The following GLIS3 variants were observed in gnomAD, a reference collection of about 807,000 sequenced individuals.
GLIS3 encodes zinc finger protein GLIS3.
Under a neutral mutation model 78.6 loss-of-function variants are expected in GLIS3, and 53 were observed. The observed-to-expected ratio is 0.67, with a 90% CI of 0.54 to 0.85. The LOEUF is 0.85. Ranked by LOEUF, GLIS3 falls within the 40% of genes least tolerant of loss-of-function variation. GLIS3 has a pLI of 0.00. For synonymous variants in GLIS3, 684 were observed against 509.9 expected (o/e 1.34, Z -4.60); for missense variants, 1,703 against 1,231.1 (o/e 1.38, Z -5.74).
At chr9:4,467,604 G>C in the GLIS3 span, among the ~76,000 whole-genome samples, 1 of 152,256 alleles carries the variant, frequency 6.6e-6, no homozygotes, top group Admixed American at 6.5e-5. Flanking sequence ...AAACAGAAAG[G>C]ACATCCACAC....
chr9:4,259,798 C>T (rs577937570), intron 2 of GLIS3, among the ~76,000 whole-genome samples: 2 of 152,310 alleles, frequency 1.3e-5, no homozygotes, highest in African/African-American at 4.8e-5. Context: ...CAATTGCTGG[C>T]TTTTGAGCCT....
At chr9:4,408,151 C>G in the GLIS3 span, among the ~76,000 whole-genome samples, 3 of 152,088 alleles carry the variant, frequency 2.0e-5, no homozygotes, top group Non-Finnish European at 2.9e-5. Context: ...AGGGAACCCT[C>G]GTACGCTGTC....
chr9:4,471,222 C>T, the GLIS3 span, among the ~76,000 whole-genome samples: 3 of 152,170 alleles, frequency 2.0e-5, no homozygotes, highest in Admixed American at 2.0e-4. Context: ...ATCAAGCTAC[C>T]AATGACTTTC....
At chr9:4,245,083 T>C (rs1823676522) in intron 2 of GLIS3, among the ~76,000 whole-genome samples, 1 of 152,210 alleles carries the variant, frequency 6.6e-6, no homozygotes, top group Non-Finnish European at 1.5e-5. Context: ...CACATCTAGA[T>C]GCTCTAAGTT....
At chr9:4,007,781 C>T (rs1053515726) in intron 4 of GLIS3, among the ~76,000 whole-genome samples, 1 of 151,144 alleles carries the variant, frequency 6.6e-6, no homozygotes, top group Non-Finnish European at 1.5e-5. Context: ...TCAAGAAGTA[C>T]ATATGTGCTC....
At chr9:3,918,675 C>A (rs1299855490) in intron 6 of GLIS3, among the ~76,000 whole-genome samples, 2 of 152,274 alleles carry the variant, frequency 1.3e-5, no homozygotes, top group East Asian at 3.9e-4. Flanking sequence ...AGTGTGTAAC[C>A]TAGGGTAAAA....
intron 2 of GLIS3, among the ~76,000 whole-genome samples, chr9:4,133,170 A>C (rs763240704): frequency 2.6e-5 from 4 of 152,174 alleles, no homozygotes; most frequent in Non-Finnish European, 5.9e-5. Context: ...TTACAGTATT[A>C]ATTTTTGAAC....
intron 2 of GLIS3, among the ~76,000 whole-genome samples, chr9:4,180,141 G>T (rs1316758475): frequency 1.3e-5 from 2 of 152,090 alleles, no homozygotes; most frequent in East Asian, 3.9e-4. Flanking sequence ...CAGTGATAGA[G>T]GTCCTAGGAT....
At chr9:3,938,003 A>G (rs1044948986) in intron 4 of GLIS3, among the ~76,000 whole-genome samples, 2 of 152,216 alleles carry the variant, frequency 1.3e-5, no homozygotes, top group African/African-American at 4.8e-5. Flanking sequence ...CATTTACTCA[A>G]TGTCTTCTGA....
chr9:3,908,184 C>T (rs982959391), intron 6 of GLIS3, among the ~76,000 whole-genome samples: 1 of 152,216 alleles, frequency 6.6e-6, no homozygotes, highest in African/African-American at 2.4e-5. Flanking sequence ...CTGACAGCAA[C>T]CTGTAAGTGG....
intron 2 of GLIS3, among the ~76,000 whole-genome samples, chr9:4,250,007 T>A (rs984347827): frequency 2.0e-5 from 3 of 152,328 alleles, no homozygotes; most frequent in East Asian, 1.9e-4. Context: ...GATGTGCTGC[T>A]GGATTCCGTT....
At chr9:4,157,032 C>G (rs181142789) in intron 2 of GLIS3, among the ~76,000 whole-genome samples, 11 of 152,350 alleles carry the variant, frequency 7.2e-5, no homozygotes, top group Admixed American at 6.5e-4. Context: ...TAACATCTGT[C>G]ACAGTCCCTG....
chr9:4,456,247 T>C, the GLIS3 span, among the ~76,000 whole-genome samples: 3 of 152,322 alleles, frequency 2.0e-5, no homozygotes, highest in East Asian at 3.9e-4. Context: ...CCTCAGAAAG[T>C]TGTAAATTTT....
intron 4 of GLIS3, among the ~76,000 whole-genome samples, chr9:4,091,715 G>C (rs141196754): frequency 6.6e-6 from 1 of 152,170 alleles, no homozygotes; most frequent in African/African-American, 2.4e-5. Context: ...AGGAGGATGT[G>C]TTTGCTTTCC....
intron 2 of GLIS3, among the ~76,000 whole-genome samples, chr9:4,265,578 A>G (rs1462855672): frequency 6.6e-6 from 1 of 152,020 alleles, no homozygotes; most frequent in Non-Finnish European, 1.5e-5. Context: ...CTTCCATTCT[A>G]CCTCCTAAAA....
intron 2 of GLIS3, among the ~76,000 whole-genome samples, chr9:4,169,806 T>C (rs868509774): frequency 5.3e-5 from 8 of 152,044 alleles, no homozygotes; most frequent in Non-Finnish European, 1.2e-4. Context: ...GGGTAAAGAG[T>C]ATAGGAGAAT....
intron 2 of GLIS3, among the ~76,000 whole-genome samples, chr9:4,246,776 A>C (rs1207597730): frequency 6.6e-6 from 1 of 152,198 alleles, no homozygotes; most frequent in Non-Finnish European, 1.5e-5. Flanking sequence ...GGAGTTCTTA[A>C]ACGGGTTTTT....
At chr9:4,193,694 C>T (rs899854991) in intron 2 of GLIS3, among the ~76,000 whole-genome samples, 1 of 152,174 alleles carries the variant, frequency 6.6e-6, no homozygotes, top group Non-Finnish European at 1.5e-5. Flanking sequence ...GGTGGTGTCC[C>T]CACCTGAGCT....
intron 2 of GLIS3, among the ~76,000 whole-genome samples, chr9:4,247,842 T>C (rs1436748958): frequency 6.6e-6 from 1 of 152,192 alleles, no homozygotes; most frequent in African/African-American, 2.4e-5. Context: ...TAATTTGCAG[T>C]GATTAAATCA....
Sources: allele counts gnomAD v4.1 joint callset (sites outside exome capture counted in the v4.1 genomes callset), GRCh38; gene constraint gnomAD v4.1.1; transcripts MANE v1.5; gene names NCBI Gene and HGNC (gene_info 2026-07-23, HGNC 2026-07-21).